Variants in POU2F1 observed in about 807,000 individuals in gnomAD.
POU2F1 encodes POU class 2 homeobox 1.
A neutral mutation model predicts 84.9 loss-of-function variants in POU2F1; 16 were observed. That is an observed-to-expected ratio of 0.19 (90% CI 0.13 to 0.29). The LOEUF (loss-of-function observed/expected upper bound fraction) is 0.29, where lower values mean the gene tolerates loss of function less well. POU2F1 is among the 10% of genes least tolerant of loss of function. The pLI is 1.00. For synonymous variants in POU2F1, 368 were observed against 368.3 expected (o/e 1.00, Z 0.01); for missense variants, 738 against 942.6 (o/e 0.78, Z 2.84).
At position 167,329,116 on chromosome 1, in the gene POU2F1, C is replaced by T. The variant is rs534300462; in HGVS notation, c.62-3354C>T. ...ATGGTGTAACAGAAGTTGTATTTTG[C>T]TTTTCCCCTTAATCCACTTTCCACC... On this transcript the variant is annotated intron_variant, in intron 1 of 15. Coordinates refer to ENST00000367866, the MANE Select transcript of POU2F1 (RefSeq NM_002697.4). 1.8e-4 allele frequency: 246 copies of T among 1,330,544 alleles called. 2 individuals carry two copies. In the South Asian group the frequency reaches 4.0e-3, roughly 22 times the overall value. 82.4% of individuals were successfully genotyped at this position (1,330,544 alleles called of 1,614,324 possible). A position where few individuals can be genotyped will look rare whatever the true frequency, so the allele number is the denominator to read the frequency against.
chr1:167,296,129 A>G (rs1654275426), intron 1 of POU2F1, among the ~76,000 whole-genome samples: 2 of 152,120 alleles, frequency 1.3e-5, no homozygotes, highest in African/African-American at 2.4e-5. Context: ...TAAGGGCAGC[A>G]TTTTGGAGTT....
intron 1 of POU2F1, among the ~76,000 whole-genome samples, chr1:167,316,859 C>G (rs1010137499): frequency 6.6e-6 from 1 of 152,136 alleles, no homozygotes; most frequent in African/African-American, 2.4e-5. Context: ...GAGAAGAACT[C>G]ACATTTTATT....
chr1:167,324,114 A>G (rs546016125), intron 1 of POU2F1, among the ~76,000 whole-genome samples: 40 of 152,240 alleles, frequency 2.6e-4, no homozygotes, highest in Non-Finnish European at 5.7e-4. Context: ...TTACTAAAAA[A>G]TACTGAATTA....
chr1:167,322,945 G>A (rs1306965433), intron 1 of POU2F1, among the ~76,000 whole-genome samples: 2 of 152,202 alleles, frequency 1.3e-5, no homozygotes, highest in Admixed American at 6.5e-5. Context: ...GTTCCTTGCC[G>A]TCATTCCGGT....
intron 1 of POU2F1, among the ~76,000 whole-genome samples, chr1:167,309,429 T>G (rs1428860167): frequency 6.6e-6 from 1 of 152,194 alleles, no homozygotes; most frequent in Non-Finnish European, 1.5e-5. Context: ...CACTTCACTC[T>G]CATTATCCTT....
rs1373009398 is a variant in POU2F1 at position 167,418,148 on chromosome 1, G to T, written c.*2338G>T. The T allele has an allele frequency of 6.6e-6, 1 of 152,190 alleles. No homozygotes were observed. 9.4% of individuals were successfully genotyped at this position (152,190 alleles called of 1,614,324 possible). Reference sequence around the variant, plus strand: ...GGACTAGTTGATAACGTGCAGTTCAGACACATCGAGGAGATAGATGCTACT... The same window carrying T: ...GGACTAGTTGATAACGTGCAGTTCATACACATCGAGGAGATAGATGCTACT... On this transcript the variant is annotated 3_prime_UTR_variant, in exon 16 of 16. Coordinates refer to ENST00000367866, the MANE Select transcript of POU2F1 (RefSeq NM_002697.4).
At chr1:167,373,097 A>G (rs1660113253) in intron 5 of POU2F1, among the ~76,000 whole-genome samples, 2 of 152,144 alleles carry the variant, frequency 1.3e-5, no homozygotes, top group Admixed American at 1.3e-4. Flanking sequence ...ATACACACAT[A>G]TCCCTTGAAG....
At chr1:167,388,014 C>A (rs1648114103) in intron 8 of POU2F1, among the ~76,000 whole-genome samples, 1 of 151,952 alleles carries the variant, frequency 6.6e-6, no homozygotes, top group Non-Finnish European at 1.5e-5. Context: ...AAAGCTCACC[C>A]AAATGACAAT....
intron 1 of POU2F1, among the ~76,000 whole-genome samples, chr1:167,223,446 G>T (rs1397245886): frequency 6.6e-6 from 1 of 152,122 alleles, no homozygotes; most frequent in Non-Finnish European, 1.5e-5. Context: ...GTGTGTGTGA[G>T]TGTGAGTGTG....
chr1:167,284,754 CTTCCTTCATG>C (rs1014011746), intron 1 of POU2F1, among the ~76,000 whole-genome samples: 3 of 152,258 alleles, frequency 2.0e-5, no homozygotes, highest in Non-Finnish European at 4.4e-5. Flanking sequence ...CTTGTAAAAT[CTTCCTTCATG>C]GCACCATGAA....
intron 1 of POU2F1, among the ~76,000 whole-genome samples, chr1:167,279,483 A>G (rs1396711759): frequency 6.6e-6 from 1 of 152,218 alleles, no homozygotes; most frequent in Non-Finnish European, 1.5e-5. Flanking sequence ...CTTGAGTAAT[A>G]TTTTAAAGGT....
chr1:167,237,766 A>AAATTTTT lies in POU2F1; in HGVS notation c.61+16808_61+16809insAATTTTT, dbSNP rs1557836583. Among the ~76,000 whole-genome samples the AAATTTTT allele has an allele frequency of 3.4e-5, 2 of 58,032 alleles. 1 individual carries two copies. The highest frequency in any genetic ancestry group is 1.2e-4 in the African/African-American group (2 of 16,970). The allele number at this position is 58,032 out of a possible 152,430, so 38.1% of individuals were successfully genotyped here. On this transcript the variant is annotated intron_variant, in intron 1 of 15. Transcript: ENST00000367866. Reference sequence around the variant, plus strand: ...TGTGTGTATATATATATATATATATATATATATTTTTTTTTTTTTTTTTTT... The same window carrying AAATTTTT: ...TGTGTGTATATATATATATATATATAAATTTTTTATATATTTTTTTTTTTTTTTTTTT...
In POU2F1 at chr1:167,411,945, G is replaced by A; in HGVS notation, c.1556-14G>A. 6.2e-7 allele frequency: 1 copy of A among 1,601,700 alleles called. No homozygotes were observed. The highest frequency in any genetic ancestry group is 8.5e-7 in the Non-Finnish European group (1 of 1,171,974). ...TTTACAAAAGGTCATCTTCTAATCT[G>A]TTTGTCTTTTCAGGCACTTCAGACA... On this transcript the variant is annotated splice_polypyrimidine_tract_variant and intron_variant, in intron 13 of 15. Coordinates refer to ENST00000367866, the MANE Select transcript of POU2F1 (RefSeq NM_002697.4).
chr1:167,287,861 A>C (rs192684743), intron 1 of POU2F1, among the ~76,000 whole-genome samples: 1 of 152,238 alleles, frequency 6.6e-6, no homozygotes, highest in Admixed American at 6.5e-5. Context: ...AAATGCAGAA[A>C]ATCAAATATA....
intron 1 of POU2F1, among the ~76,000 whole-genome samples, chr1:167,322,229 G>A (rs1433066450): frequency 2.0e-5 from 3 of 152,052 alleles, no homozygotes; most frequent in South Asian, 2.1e-4. Context: ...CCTCCTGTTC[G>A]TGTAGTTTCA....
intron 1 of POU2F1, among the ~76,000 whole-genome samples, chr1:167,277,177 G>A (rs557861707): frequency 5.9e-5 from 9 of 152,032 alleles, no homozygotes; most frequent in South Asian, 2.1e-4. Flanking sequence ...TGCTTTCTCG[G>A]TTCTCTTCTC....
chr1:167,315,525 C>T (rs1028815669), intron 1 of POU2F1, among the ~76,000 whole-genome samples: 4 of 152,138 alleles, frequency 2.6e-5, no homozygotes, highest in African/African-American at 4.8e-5. Context: ...CCTGTAATCC[C>T]GGCTACTTGG....
chr1:167,377,576 G>T (rs1388320361), intron 7 of POU2F1, among the ~76,000 whole-genome samples: 1 of 152,094 alleles, frequency 6.6e-6, no homozygotes, highest in Non-Finnish European at 1.5e-5. Flanking sequence ...GACAGAGTGA[G>T]ACTCCGTCTA....
chr1:167,401,685 T>G, intron 13 of POU2F1, 129 bp downstream of exon 13: 1 of 523,196 alleles, frequency 1.9e-6, no homozygotes, highest in East Asian at 3.5e-5. Context: ...AAATATCAAT[T>G]TTCTTTAAAG....
Sources: gnomAD v4.1 joint callset for allele counts (sites outside exome capture counted in the v4.1 genomes callset) on GRCh38, gnomAD v4.1.1 for gene constraint, MANE v1.5 for transcripts, NCBI Gene and HGNC (gene_info 2026-07-23, HGNC 2026-07-21) for gene names.